Variants in PSTPIP1 observed in about 807,000 individuals in gnomAD.
PSTPIP1 encodes the protein proline-serine-threonine phosphatase interacting protein 1.
A neutral mutation model predicts 69.6 loss-of-function variants in PSTPIP1; 66 were observed. The observed-to-expected ratio is 0.95, with a 90% CI of 0.78 to 1.16. The LOEUF (loss-of-function observed/expected upper bound fraction) is 1.16. PSTPIP1 is among the 50% of genes most tolerant of loss of function. The probability of loss-of-function intolerance (pLI) is 0.00; values close to 1 mark genes in which losing one functional copy is unlikely to be tolerated. For missense variants in PSTPIP1, 603 were observed against 557.4 expected (o/e 1.08, Z -0.82); for synonymous variants, 266 against 222.7 (o/e 1.19, Z -1.73).
chr15:77,035,751 G>A, intron 13 of PSTPIP1, 51 bp from the exon 14 acceptor site: 1 of 1,473,888 alleles, frequency 6.8e-7, no homozygotes, highest in Non-Finnish European at 8.9e-7. Flanking sequence ...AGGACTTCCA[G>A]GGGCCAGTGT....
intron 14 of PSTPIP1, among the ~76,000 whole-genome samples, chr15:77,036,331 T>A (rs1329617684): frequency 6.6e-6 from 1 of 152,120 alleles, no homozygotes; most frequent in African/African-American, 2.4e-5. Context: ...TGCCTGCAGG[T>A]CATAGCTTGA....
chr15:77,029,252 G>T (rs1396324584), intron 7 of PSTPIP1, among the ~76,000 whole-genome samples: 1 of 152,244 alleles, frequency 6.6e-6, no homozygotes, highest in African/African-American at 2.4e-5. Flanking sequence ...CCAGCCAGGG[G>T]GCTCAGCAGT....
chr15:76,994,985 A>G, upstream of PSTPIP1: 1 of 1,187,402 alleles, frequency 8.4e-7, no homozygotes, highest in African/African-American at 1.6e-5. Flanking sequence ...GGCCTCTGGA[A>G]TAAAGTGAGC....
intron 10 of PSTPIP1, among the ~76,000 whole-genome samples, chr15:77,032,038 T>C (rs1055145317): frequency 6.6e-6 from 1 of 152,218 alleles, no homozygotes; most frequent in African/African-American, 2.4e-5. Flanking sequence ...CTGAGTTTCC[T>C]CATCTATCCA....
At chr15:77,009,669 T>C (rs1596063922) in intron 1 of PSTPIP1, among the ~76,000 whole-genome samples, 1 of 152,268 alleles carries the variant, frequency 6.6e-6, no homozygotes, top group South Asian at 2.1e-4. Context: ...CCTGCAGGTG[T>C]TGTCCATTCA....
intron 1 of PSTPIP1, among the ~76,000 whole-genome samples, chr15:77,011,694 A>C (rs2075937319): frequency 6.6e-6 from 1 of 152,166 alleles, no homozygotes; most frequent in Non-Finnish European, 1.5e-5. Flanking sequence ...CATGGATCGC[A>C]GCAGTACTTG....
chr15:77,020,779 A>C (rs1366655193), intron 3 of PSTPIP1, among the ~76,000 whole-genome samples: 3 of 151,112 alleles, frequency 2.0e-5, no homozygotes, highest in African/African-American at 7.3e-5. Context: ...GCTTAGACCC[A>C]ATTACCCCTC....
At chr15:77,018,991 G>T (rs775142183) in intron 3 of PSTPIP1, among the ~76,000 whole-genome samples, 17 of 152,286 alleles carry the variant, frequency 1.1e-4, no homozygotes, top group Middle Eastern at 3.4e-3. Context: ...CCATGGGCTG[G>T]CTGCTGACAC....
chr15:77,000,994 C>G (rs893163347), intron 1 of PSTPIP1, among the ~76,000 whole-genome samples: 5 of 152,132 alleles, frequency 3.3e-5, no homozygotes, highest in Non-Finnish European at 1.5e-5. Flanking sequence ...TAGCGTAACT[C>G]ACTCCATCGG....
chr15:77,010,769 T>C (rs1236386345), intron 1 of PSTPIP1, among the ~76,000 whole-genome samples: 1 of 151,978 alleles, frequency 6.6e-6, no homozygotes, highest in Non-Finnish European at 1.5e-5. Context: ...TGCCTCACCC[T>C]CCGAGTAGCG....
At chr15:77,032,653 C>T (rs953747138) in intron 11 of PSTPIP1, 17 of 619,428 alleles carry the variant, frequency 2.7e-5, no homozygotes, top group Non-Finnish European at 3.4e-5. Context: ...CCCCACTCCC[C>T]GCCTGTTTGG....
At position 76,998,639 on chromosome 15, in the gene PSTPIP1, C is replaced by T. The variant is rs116141662; in HGVS notation, c.36+3030C>T. Among the ~76,000 whole-genome samples the T allele has an allele frequency of 2.6e-3, 390 of 152,304 alleles. 2 individuals carry two copies. Among genetic ancestry groups the T allele is most frequent in the African/African-American group, 9.0e-3 (373 of 41,562 alleles). Reference sequence around the variant, plus strand: ...ACCTGGACTACGAAAGGACGTTTCACAGGCAGCTAGCAGCCTGATTGCAAG... The same window carrying T: ...ACCTGGACTACGAAAGGACGTTTCATAGGCAGCTAGCAGCCTGATTGCAAG... On this transcript the variant is annotated intron_variant, in intron 1 of 14. Transcript: ENST00000558012.
intron 13 of PSTPIP1, 23 bp from the exon 14 acceptor site, chr15:77,035,779 T>C (rs1216866008): frequency 2.5e-6 from 4 of 1,594,174 alleles, no homozygotes; most frequent in Admixed American, 1.7e-5. Flanking sequence ...AGGGGAGGGG[T>C]CTATGTCTCA....
chr15:77,009,565 G>A (rs923162907), intron 1 of PSTPIP1, among the ~76,000 whole-genome samples: 1 of 152,156 alleles, frequency 6.6e-6, no homozygotes, highest in Non-Finnish European at 1.5e-5. Context: ...CCTTGTAAAC[G>A]CCCCTTCCCT....
At chr15:77,028,749 A>C in intron 7 of PSTPIP1, 97 bp downstream of exon 7, 1 of 1,062,494 alleles carries the variant, frequency 9.4e-7, no homozygotes, top group Non-Finnish European at 1.3e-6. Flanking sequence ...CAAGATCTGC[A>C]TCTGGGGATG....
intron 1 of PSTPIP1, among the ~76,000 whole-genome samples, chr15:77,016,842 C>T (rs1169878252): frequency 6.6e-6 from 1 of 152,218 alleles, no homozygotes. Context: ...GACTCCATCC[C>T]TGTTCCCCTC....
In PSTPIP1 at chr15:77,029,580, T is replaced by C; in HGVS notation, c.562+6T>C. The C allele has an allele frequency of 6.4e-7, 1 of 1,573,350 alleles. No homozygotes were observed. Among genetic ancestry groups the C allele is most frequent in the South Asian group, 1.2e-5 (1 of 85,574 alleles). On this transcript the variant is annotated splice_donor_region_variant and intron_variant, in intron 8 of 14. Transcript: ENST00000558012. ...GGACTCGGCCACCGAGGCAGGTATGTGGGCCTGGCTGCCCCGTCCGACCAG... is the reference window on the plus strand; with the variant it reads ...GGACTCGGCCACCGAGGCAGGTATGCGGGCCTGGCTGCCCCGTCCGACCAG...
chr15:77,019,875 TGGGG>T (rs925633816), intron 3 of PSTPIP1, among the ~76,000 whole-genome samples: 1 of 151,994 alleles, frequency 6.6e-6, no homozygotes, highest in Non-Finnish European at 1.5e-5. Context: ...GGAGCAGCTG[TGGGG>T]GCCTGGCAGC....
intron 5 of PSTPIP1, among the ~76,000 whole-genome samples, chr15:77,026,359 G>A (rs1223951498): frequency 1.3e-5 from 2 of 152,294 alleles, no homozygotes; most frequent in East Asian, 3.9e-4. Context: ...TGGCAGGGCA[G>A]CACACAGATC....
Sources: allele counts gnomAD v4.1 joint callset (sites outside exome capture counted in the v4.1 genomes callset), GRCh38; gene constraint gnomAD v4.1.1; transcripts MANE v1.5; gene names NCBI Gene and HGNC (gene_info 2026-07-23, HGNC 2026-07-21).